The following PLEKHG1 variants were observed in gnomAD, a reference collection of about 807,000 sequenced individuals.
PLEKHG1 encodes pleckstrin homology domain-containing family G member 1.
A neutral mutation model predicts 100.8 loss-of-function variants in PLEKHG1; 44 were observed. The observed-to-expected ratio is 0.44, with a 90% CI of 0.34 to 0.56. The LOEUF (loss-of-function observed/expected upper bound fraction) is 0.56, where lower values mean the gene tolerates loss of function less well. Among genes scored for constraint, PLEKHG1 ranks in the 20% least tolerant of loss-of-function variants. The pLI is 0.01. For missense variants in PLEKHG1, 1,545 were observed against 1,720.9 expected (o/e 0.90, Z 1.81); for synonymous variants, 640 against 662.5 (o/e 0.97, Z 0.52).
Position 150,683,644 on chromosome 6 carries a change from G to A in PLEKHG1, c.-99+32858G>A. Reference sequence around the variant, plus strand: ...AACCTTGGACACTGTGCATCCACCTGCTATAACTGGCAAACTAAGGATGAC... The same window carrying A: ...AACCTTGGACACTGTGCATCCACCTACTATAACTGGCAAACTAAGGATGAC... On this transcript the variant is annotated intron_variant, in intron 3 of 3. Coordinates refer to the PLEKHG1 transcript ENST00000367326. This position sits in a 1 kb window ranked among gnomAD's most constrained non-coding sequence, Gnocchi z 4.0. 2.2e-6 allele frequency: 1 copy of A among 445,038 alleles called. No homozygotes were observed. Among genetic ancestry groups the A allele is most frequent in the Non-Finnish European group, 3.8e-6 (1 of 262,054 alleles). The allele number at this position is 445,038 out of a possible 1,614,324, so 27.6% of individuals were successfully genotyped here. A position where few individuals can be genotyped will look rare whatever the true frequency, so the allele number is the denominator to read the frequency against.
intron 1 of PLEKHG1, among the ~76,000 whole-genome samples, chr6:150,602,955 C>T (rs1776415238): frequency 6.6e-6 from 1 of 151,808 alleles, no homozygotes; most frequent in Non-Finnish European, 1.5e-5. Flanking sequence ...GTGGCGGGCA[C>T]CTGTAGTCCC....
At chr6:150,805,163 G>A (rs1714421017) in intron 7 of PLEKHG1, among the ~76,000 whole-genome samples, 1 of 151,944 alleles carries the variant, frequency 6.6e-6, no homozygotes, top group Admixed American at 6.6e-5. Flanking sequence ...TCGAACTCCC[G>A]ACCTCAGGTG....
At chr6:150,797,794 C>A (rs1245781790) in intron 5 of PLEKHG1, among the ~76,000 whole-genome samples, 1 of 122,740 alleles carries the variant, frequency 8.1e-6, no homozygotes, top group African/African-American at 3.1e-5. Flanking sequence ...GAGATAGCAC[C>A]ACTGCACTCC....
At chr6:150,629,164 AG>A (rs753560855) in intron 1 of PLEKHG1, among the ~76,000 whole-genome samples, 8 of 152,326 alleles carry the variant, frequency 5.3e-5, no homozygotes, top group Admixed American at 3.3e-4. Flanking sequence ...GATTGGACAG[AG>A]GAACACATTG....
chr6:150,840,861 A>G, exon 16 of PLEKHG1: 1 of 1,612,560 alleles, frequency 6.2e-7, no homozygotes, highest in Non-Finnish European at 8.5e-7. Flanking sequence ...TCTAAGGGAA[A>G]AATTTCAGTG....
chr6:150,819,568 A>AAAG (rs1554279150), intron 11 of PLEKHG1, 111 bp from the exon 13 acceptor site: 1 of 504,250 alleles, frequency 2.0e-6, no homozygotes. Flanking sequence ...TCTGTCTCAA[A>AAAG]AATAATAATA....
chr6:150,703,851 C>T (rs1051814144), intron 3 of PLEKHG1, among the ~76,000 whole-genome samples: 3 of 152,058 alleles, frequency 2.0e-5, no homozygotes, highest in Non-Finnish European at 4.4e-5. Context: ...TGTTTAGCAC[C>T]TTGATTTTTG....
intron 6 of PLEKHG1, among the ~76,000 whole-genome samples, chr6:150,804,042 A>G (rs1395083881): frequency 2.7e-5 from 4 of 145,916 alleles, no homozygotes; most frequent in Non-Finnish European, 6.0e-5. Flanking sequence ...CTGGAATCCT[A>G]TTCCACTTTT....
At chr6:150,772,809 T>C (rs1784774609) in intron 3 of PLEKHG1, among the ~76,000 whole-genome samples, 1 of 152,236 alleles carries the variant, frequency 6.6e-6, no homozygotes. Flanking sequence ...TCTTTTCTTA[T>C]TGGCCATTTT....
rs542147421 is a variant in PLEKHG1, at chr6:150,705,563, G to T, written c.-98-28021G>T. Among the ~76,000 whole-genome samples, 9 of 152,380 alleles carry T rather than the reference G, an allele frequency of 5.9e-5. No individual in the cohort carries two copies. In the South Asian group the frequency reaches 1.7e-3, roughly 28 times the overall value. Reference sequence around the variant, plus strand: ...CAGGAGGTGTGCTGGAAACAAGCACGTGACCTTGCAAACTAAGCATGTTAC... The same window carrying T: ...CAGGAGGTGTGCTGGAAACAAGCACTTGACCTTGCAAACTAAGCATGTTAC... On this transcript the variant is annotated intron_variant, in intron 3 of 3. Transcript: ENST00000367326.
intron 3 of PLEKHG1, among the ~76,000 whole-genome samples, chr6:150,665,322 T>C (rs370389969): frequency 1.4e-4 from 21 of 152,224 alleles, no homozygotes; most frequent in African/African-American, 5.1e-4. Context: ...TTCCTGCCTG[T>C]ATCAAGGCAG....
At chr6:150,603,673 TA>T (rs150269179) in intron 1 of PLEKHG1, among the ~76,000 whole-genome samples, 1 of 151,664 alleles carries the variant, frequency 6.6e-6, no homozygotes, top group African/African-American at 2.4e-5. Flanking sequence ...AACCTAAGGT[TA>T]AAAAAAACAA....
At chr6:150,611,112 T>C (rs965809326) in intron 1 of PLEKHG1, among the ~76,000 whole-genome samples, 3 of 152,212 alleles carry the variant, frequency 2.0e-5, no homozygotes, top group Non-Finnish European at 2.9e-5. Context: ...GAGAGCATGG[T>C]AACTGGCACA....
chr6:150,749,638 C>T (rs1783382794), intron 2 of PLEKHG1, among the ~76,000 whole-genome samples: 1 of 152,064 alleles, frequency 6.6e-6, no homozygotes, highest in Non-Finnish European at 1.5e-5. Flanking sequence ...TTTGCCACCT[C>T]CTGTTCTAAA....
At chr6:150,734,631 C>A (rs4869692) in intron 2 of PLEKHG1, among the ~76,000 whole-genome samples, 1 of 152,180 alleles carries the variant, frequency 6.6e-6, no homozygotes, top group East Asian at 1.9e-4. Context: ...GGTTTGCAGC[C>A]GCTGCTGTCT....
At chr6:150,664,634 G>T (rs1256961646) in intron 3 of PLEKHG1, 1 of 152,354 alleles carries the variant, frequency 6.6e-6, no homozygotes, top group Non-Finnish European at 1.5e-5. Context: ...TGTGGTGGGG[G>T]TGTCTCGTGT....
chr6:150,798,269 G>T (rs2128661327), intron 5 of PLEKHG1, among the ~76,000 whole-genome samples: 1 of 152,214 alleles, frequency 6.6e-6, no homozygotes, highest in African/African-American at 2.4e-5. Context: ...AGATTCTGAA[G>T]AATCATCAAA....
At chr6:150,798,230 TCTTC>T (rs1786470707) in intron 5 of PLEKHG1, among the ~76,000 whole-genome samples, 1 of 152,066 alleles carries the variant, frequency 6.6e-6, no homozygotes, top group Non-Finnish European at 1.5e-5. Context: ...CCACAAAACT[TCTTC>T]CTTAGGGAAG....
At chr6:150,659,994 G>A (rs140455944) in intron 3 of PLEKHG1, among the ~76,000 whole-genome samples, 27 of 152,050 alleles carry the variant, frequency 1.8e-4, no homozygotes, top group Non-Finnish European at 3.5e-4. Flanking sequence ...ATAAAAATAA[G>A]CTAAGTTGGT....
Sources: allele counts gnomAD v4.1 joint callset (sites outside exome capture counted in the v4.1 genomes callset), GRCh38; gene constraint gnomAD v4.1.1; non-coding constraint Gnocchi (gnomAD v3.1); transcripts MANE v1.5; gene names NCBI Gene and HGNC (gene_info 2026-07-23, HGNC 2026-07-21).